Variants in OCA2 observed in about 807,000 individuals in gnomAD.
OCA2 encodes P protein.
Under a neutral mutation model 100.2 loss-of-function variants are expected in OCA2, and 77 were observed. The observed-to-expected ratio is 0.77, with a 90% CI of 0.64 to 0.93. The LOEUF is 0.93. OCA2 is among the 40% of genes least tolerant of loss of function. OCA2 has a pLI of 0.00. For synonymous variants in OCA2, 432 were observed against 439.2 expected (o/e 0.98, Z 0.21); for missense variants, 1,062 against 1,089.1 (o/e 0.98, Z 0.35).
At chr15:28,019,928 C>T (rs2042538362) in intron 6 of OCA2, among the ~76,000 whole-genome samples, 2 of 152,202 alleles carry the variant, frequency 1.3e-5, no homozygotes, top group Non-Finnish European at 2.9e-5. Flanking sequence ...TGGTTAATCC[C>T]TGGGAACACT....
intron 1 of OCA2, among the ~76,000 whole-genome samples, chr15:28,084,424 T>C (rs2044738710): frequency 6.6e-6 from 1 of 152,210 alleles, no homozygotes. Context: ...GCCTCTCTGG[T>C]CCAGCAAACA....
intron 16 of OCA2, 97 bp from the exon 17 acceptor site, chr15:27,955,312 C>A: frequency 2.2e-6 from 2 of 904,518 alleles, no homozygotes; most frequent in South Asian, 2.6e-5. Flanking sequence ...TGGACGCGGT[C>A]TGTGACTTGG....
intron 11 of OCA2, 142 bp from the exon 12 acceptor site, chr15:27,986,785 G>A (rs995071478): frequency 3.3e-5 from 24 of 732,754 alleles, no homozygotes; most frequent in Non-Finnish European, 6.0e-5. Flanking sequence ...GATGCAGAAA[G>A]ACCGTCACTT....
the OCA2 span, among the ~76,000 whole-genome samples, chr15:27,736,066 G>C: frequency 1.1e-4 from 17 of 152,224 alleles, no homozygotes; most frequent in Non-Finnish European, 2.2e-4. Context: ...TGTACATATA[G>C]TTTGTAGCAT....
chr15:27,917,443 A>G (rs1442704057), intron 19 of OCA2, among the ~76,000 whole-genome samples: 2 of 152,220 alleles, frequency 1.3e-5, no homozygotes, highest in South Asian at 4.1e-4. Context: ...CTGTGCTCAT[A>G]AACATCATGT....
In OCA2 at chr15:27,966,722, T is replaced by G. The variant is rs910200898; in HGVS notation, c.1604A>C (p.Lys535Thr). 6.2e-7 allele frequency: 1 copy of G among 1,613,996 alleles called. No individual in the cohort carries two copies. Among genetic ancestry groups the G allele is most frequent in the South Asian group, 1.1e-5 (1 of 91,064 alleles). ...CTCACTGGGTTCCTTGTTATAAAGCTTTCTGTTCCAGTAAAGGAGTCTGAG... is the reference window on the plus strand; with the variant it reads ...CTCACTGGGTTCCTTGTTATAAAGCGTTCTGTTCCAGTAAAGGAGTCTGAG... ...PLLRLLYWNR[K>T]LYNKEPSEIV... Residue 535 changes from lysine (K) to threonine (T), a missense_variant, in exon 15 of 24, where the codon AAG becomes ACG. Lys to Thr is a moderately conservative substitution (Grantham distance 78). Transcript: ENST00000354638.
chr15:28,040,180 C>T (rs1280573277), intron 2 of OCA2, among the ~76,000 whole-genome samples: 1 of 152,146 alleles, frequency 6.6e-6, no homozygotes. Context: ...AGAAACCAAC[C>T]ATACCAGCAC....
chr15:27,736,381 C>G, the OCA2 span, among the ~76,000 whole-genome samples: 1 of 152,246 alleles, frequency 6.6e-6, no homozygotes, highest in African/African-American at 2.4e-5. Context: ...GGGGAGGCAC[C>G]TAGGGCTTCC....
chr15:27,995,961 C>T (rs2041713153), intron 9 of OCA2, among the ~76,000 whole-genome samples: 1 of 151,958 alleles, frequency 6.6e-6, no homozygotes, highest in Non-Finnish European at 1.5e-5. Context: ...TACAGGCAAG[C>T]ACCACCATGC....
rs2140620111 is a variant in OCA2, at chr15:27,951,897, AAGAG to A, written c.1843-9_1843-6del. On this transcript the variant is annotated splice_region_variant and splice_polypyrimidine_tract_variant and intron_variant, in intron 17 of 23. Transcript: ENST00000354638. ...AATCCCGTCAGATATCCTATGCTGTAAGAGAGAAACCACAGCTCATTTACTCTGC... is the reference window on the plus strand; with the variant it reads ...AATCCCGTCAGATATCCTATGCTGTAAGAAACCACAGCTCATTTACTCTGC... 3.1e-6 allele frequency: 5 copies of A among 1,596,918 alleles called. No homozygotes were observed. The highest frequency in any genetic ancestry group is 4.3e-6 in the Non-Finnish European group (5 of 1,164,476).
At chr15:27,979,567 T>C (rs775297248) in intron 14 of OCA2, among the ~76,000 whole-genome samples, 2 of 152,232 alleles carry the variant, frequency 1.3e-5, no homozygotes, top group Non-Finnish European at 2.9e-5. Flanking sequence ...ATATTCTTTG[T>C]TGGCATTAGC....
chr15:28,062,038 A>G (rs1306430361), intron 2 of OCA2, among the ~76,000 whole-genome samples: 1 of 152,236 alleles, frequency 6.6e-6, no homozygotes, highest in Non-Finnish European at 1.5e-5. Flanking sequence ...ACATATGCAC[A>G]AGTTTTACAC....
At chr15:27,859,840 C>T (rs1412825034) in intron 21 of OCA2, among the ~76,000 whole-genome samples, 1 of 151,992 alleles carries the variant, frequency 6.6e-6, no homozygotes, top group Non-Finnish European at 1.5e-5. Context: ...GATGGAAAGA[C>T]CCCAGGGCTT....
chr15:27,744,820 G>A, the OCA2 span, among the ~76,000 whole-genome samples: 1 of 152,130 alleles, frequency 6.6e-6, no homozygotes, highest in Admixed American at 6.5e-5. Context: ...ACATTCCAAA[G>A]AAGCCTGGAA....
At chr15:28,086,988 T>G (rs892400228) in intron 1 of OCA2, among the ~76,000 whole-genome samples, 1 of 152,126 alleles carries the variant, frequency 6.6e-6, no homozygotes, top group African/African-American at 2.4e-5. Context: ...CAGAAGAAGA[T>G]GATGAAGAGT....
chr15:28,072,459 G>A (rs1334361601), intron 2 of OCA2, among the ~76,000 whole-genome samples: 4 of 151,916 alleles, frequency 2.6e-5, no homozygotes, highest in Admixed American at 6.6e-5. Context: ...GCGTGGTGGC[G>A]GGTGCCTGTA....
intron 1 of OCA2, among the ~76,000 whole-genome samples, chr15:28,097,109 C>T (rs570191905): frequency 6.6e-6 from 1 of 152,336 alleles, no homozygotes; most frequent in Non-Finnish European, 1.5e-5. Flanking sequence ...CCTCGAAACA[C>T]CGGACCTGCT....
In OCA2 at chr15:27,899,373, C is replaced by T. The variant is rs146455250; in HGVS notation, c.2079+26754G>A. 2.4e-3 allele frequency among the ~76,000 whole-genome samples: 365 copies of T among 152,172 alleles called. 2 individuals carry two copies. Among genetic ancestry groups the T allele is most frequent in the African/African-American group, 8.3e-3 (346 of 41,494 alleles). The stretch of plus-strand genomic sequence containing the variant: ...TGCTGATGTGATTAAGTTGAGGACC[C>T]GGAGAAGGGGAAATTATTCTAACCA... On this transcript the variant is annotated intron_variant, in intron 19 of 23. Coordinates refer to ENST00000354638, the MANE Select transcript of OCA2 (RefSeq NM_000275.3).
At chr15:28,045,689 C>T (rs773839675) in intron 2 of OCA2, among the ~76,000 whole-genome samples, 6 of 152,126 alleles carry the variant, frequency 3.9e-5, no homozygotes, top group Admixed American at 6.5e-5. Flanking sequence ...GCACAGCACC[C>T]GGCACATAGC....
Sources: gnomAD v4.1 joint callset for allele counts (sites outside exome capture counted in the v4.1 genomes callset) on GRCh38, gnomAD v4.1.1 for gene constraint, MANE v1.5 for transcripts, NCBI Gene and HGNC (gene_info 2026-07-23, HGNC 2026-07-21) for gene names.